The following CALB1 variants were observed in gnomAD, a reference collection of about 807,000 sequenced individuals.
CALB1 encodes the protein calbindin 1, also known as calbindin.
A neutral mutation model predicts 46.7 loss-of-function variants in CALB1; 16 were observed. That is an observed-to-expected ratio of 0.34 (90% CI 0.23 to 0.52). CALB1 has a LOEUF of 0.52. CALB1 is among the 20% of genes least tolerant of loss of function. The probability of loss-of-function intolerance (pLI) is 0.95; values close to 1 mark genes in which losing one functional copy is unlikely to be tolerated. For missense variants in CALB1, 224 were observed against 300.3 expected (o/e 0.75, Z 1.88); for synonymous variants, 90 against 112.8 (o/e 0.80, Z 1.28).
At chr8:90,067,062 CAA>C (rs769474124) in intron 5 of CALB1, among the ~76,000 whole-genome samples, 2 of 151,996 alleles carry the variant, frequency 1.3e-5, no homozygotes, top group South Asian at 2.1e-4. Context: ...ATGGAAAATT[CAA>C]AGTTATCTGT....
intron 9 of CALB1, 90 bp from the exon 10 acceptor site, chr8:90,060,790 A>T: frequency 1.8e-6 from 2 of 1,082,816 alleles, no homozygotes; most frequent in South Asian, 2.6e-5. Flanking sequence ...AATCCTTAGA[A>T]AGTCTCCCAA....
chr8:90,081,992 A>C (rs1337527916), intron 2 of CALB1, 34 bp downstream of exon 2: 4 of 1,568,712 alleles, frequency 2.5e-6, no homozygotes, highest in Non-Finnish European at 1.7e-6. Context: ...GGGGGTTAAA[A>C]GTCTTTTTTT....
chr8:90,074,048 G>T (rs559580516), intron 3 of CALB1, among the ~76,000 whole-genome samples: 1 of 151,546 alleles, frequency 6.6e-6, no homozygotes, highest in African/African-American at 2.4e-5. Flanking sequence ...CCAGAAAAAC[G>T]TTTTCCCTAG....
chr8:90,075,862 T>A (rs1299695918), intron 3 of CALB1, among the ~76,000 whole-genome samples: 1 of 152,092 alleles, frequency 6.6e-6, no homozygotes, highest in Non-Finnish European at 1.5e-5. Flanking sequence ...CTTACTCCTA[T>A]GTCTTGGCTG....
chr8:90,077,306 C>T (rs990408921), intron 3 of CALB1, among the ~76,000 whole-genome samples: 7 of 151,914 alleles, frequency 4.6e-5, no homozygotes, highest in Admixed American at 2.0e-4. Context: ...CCTCTCTTAA[C>T]TCTATTTGTA....
intron 8 of CALB1, 39 bp downstream of exon 8, chr8:90,063,242 C>G: frequency 6.4e-7 from 1 of 1,559,388 alleles, no homozygotes; most frequent in Non-Finnish European, 8.8e-7. Context: ...TCTAGCTTTT[C>G]AAGGAAAATA....
Position 90,063,930 on chromosome 8 carries a change from A to G in CALB1, c.451-469T>C, listed in dbSNP as rs925115104. 2.6e-5 allele frequency: 4 copies of G among 155,546 alleles called. No homozygotes were observed. The East Asian group carries it at 5.6e-4, about 22-fold the overall frequency. The allele number at this position is 155,546 out of a possible 1,614,324, so 9.6% of individuals were successfully genotyped here. On this transcript the variant is annotated intron_variant, in intron 6 of 10. Transcript: ENST00000265431. ...ATAATTTTGAATTGTTTTATTTTCT[A>G]TTGGGTATTAGAAACTCCATAAAGC...
At chr8:90,075,443 G>T (rs1391447208) in intron 3 of CALB1, among the ~76,000 whole-genome samples, 1 of 152,158 alleles carries the variant, frequency 6.6e-6, no homozygotes, top group African/African-American at 2.4e-5. Flanking sequence ...ATGTGTGCTT[G>T]ATGTCAGTAG....
At chr8:90,073,020 G>T (rs1814561533) in intron 3 of CALB1, among the ~76,000 whole-genome samples, 1 of 152,036 alleles carries the variant, frequency 6.6e-6, no homozygotes, top group Non-Finnish European at 1.5e-5. Flanking sequence ...CTTCCTACTT[G>T]CTTGTCTCCC....
intron 9 of CALB1, chr8:90,061,895 A>C (rs1814305637): frequency 6.6e-6 from 1 of 152,156 alleles, no homozygotes. Flanking sequence ...CCAAATAGCC[A>C]AAAACCATCT....
intron 6 of CALB1, 99 bp from the exon 7 acceptor site, chr8:90,063,560 T>C: frequency 1.0e-6 from 1 of 967,896 alleles, no homozygotes; most frequent in Non-Finnish European, 1.6e-6. Flanking sequence ...ATCAACTACT[T>C]GTATATATGC....
chr8:90,063,357 T>C (rs1244010779), intron 7 of CALB1, 37 bp from the exon 8 acceptor site: 1 of 1,583,308 alleles, frequency 6.3e-7, no homozygotes, highest in Non-Finnish European at 8.7e-7. Flanking sequence ...TATATTACAT[T>C]TTTTGAAAAG....
intron 9 of CALB1, chr8:90,061,286 A>G (rs962994415): frequency 2.0e-5 from 3 of 152,204 alleles, no homozygotes; most frequent in African/African-American, 7.2e-5. Context: ...TCGAATCAGG[A>G]GTTTGTGTAA....
At chr8:90,061,737 T>A (rs1814302139) in intron 9 of CALB1, 1 of 152,116 alleles carries the variant, frequency 6.6e-6, no homozygotes, top group African/African-American at 2.4e-5. Flanking sequence ...AGACGTCCTG[T>A]GTTTATGAAT....
intron 3 of CALB1, among the ~76,000 whole-genome samples, chr8:90,074,102 T>C (rs1433360709): frequency 1.3e-5 from 2 of 152,140 alleles, no homozygotes; most frequent in Admixed American, 1.3e-4. Flanking sequence ...TAAATAACTT[T>C]ATCAAAAATG....
At position 90,082,826 on chromosome 8, in the gene CALB1, C is replaced by T. The variant is rs908642642; in HGVS notation, c.-129G>A. 3.7e-6 allele frequency: 3 copies of T among 819,488 alleles called. No homozygotes were observed. Among genetic ancestry groups the T allele is most frequent in the Non-Finnish European group, 6.4e-6 (3 of 472,370 alleles). 50.8% of individuals were successfully genotyped at this position (819,488 alleles called of 1,614,324 possible). ...AGGGAGACCTGGGCGCGGGCGCTGC[C>T]GGGCGCTGTCCTCGGTGCTGCTCAG... is the stretch of plus-strand genomic sequence containing the variant. On this transcript the variant is annotated 5_prime_UTR_variant, in exon 1 of 11. Coordinates refer to ENST00000265431, the MANE Select transcript of CALB1 (RefSeq NM_004929.4).
At position 90,078,577 on chromosome 8, in the gene CALB1, A is replaced by G. The variant is rs1814663276; in HGVS notation, c.157-130T>C. On this transcript the variant is annotated intron_variant, in intron 2 of 10. Transcript: ENST00000265431. ...TTAGAAATATGCATAATGATTAACT[A>G]TTCTCAAAAAAATTAAAGGCATAAC... 3 of 578,536 alleles carry G rather than the reference A, an allele frequency of 5.2e-6. No individual in the cohort carries two copies. The East Asian group carries it at 9.0e-5, about 17-fold the overall frequency. 35.8% of individuals were successfully genotyped at this position (578,536 alleles called of 1,614,324 possible).
chr8:90,060,294 G>A lies in CALB1; in HGVS notation c.673-8C>T, dbSNP rs1814273116. 1.4e-6 allele frequency: 2 copies of A among 1,468,694 alleles called. No homozygotes were observed. The highest frequency in any genetic ancestry group is 1.9e-6 in the Non-Finnish European group (2 of 1,047,930). The allele number at this position is 1,468,694 out of a possible 1,614,324, so 91.0% of individuals were successfully genotyped here. On this transcript the variant is annotated splice_polypyrimidine_tract_variant and splice_region_variant and intron_variant, in intron 10 of 10. Coordinates refer to ENST00000265431, the MANE Select transcript of CALB1 (RefSeq NM_004929.4). ...ATTATTAATATCCAGATCCTGTACA[G>A]AATATAAATGGCATTGTAATCCAGT...
intron 3 of CALB1, among the ~76,000 whole-genome samples, chr8:90,071,488 C>G (rs1389903246): frequency 6.6e-6 from 1 of 152,058 alleles, no homozygotes; most frequent in Non-Finnish European, 1.5e-5. Context: ...GAGCCACACC[C>G]CTCCAGTCTT....
Sources: gnomAD v4.1 joint callset for allele counts (sites outside exome capture counted in the v4.1 genomes callset) on GRCh38, gnomAD v4.1.1 for gene constraint, MANE v1.5 for transcripts, NCBI Gene and HGNC (gene_info 2026-07-23, HGNC 2026-07-21) for gene names.